The following FAM107B variants were observed in gnomAD, a reference collection of about 807,000 sequenced individuals.
FAM107B encodes protein FAM107B.
Under a neutral mutation model 31.5 loss-of-function variants are expected in FAM107B, and 21 were observed. The ratio of observed to expected loss-of-function variants is 0.67; its 90% CI spans 0.47 to 0.96. The LOEUF (loss-of-function observed/expected upper bound fraction) is 0.96, where lower values mean the gene tolerates loss of function less well. FAM107B is among the 40% of genes least tolerant of loss of function. The pLI is 0.00. For synonymous variants in FAM107B, 157 were observed against 141.5 expected, an observed-to-expected ratio of 1.11 and a Z score of -0.78; for missense variants, 452 against 377.1, an observed-to-expected ratio of 1.20 and a Z score of -1.64.
intron 2 of FAM107B, among the ~76,000 whole-genome samples, chr10:14,564,464 G>A (rs1295916385): frequency 1.3e-5 from 2 of 149,282 alleles, no homozygotes; most frequent in African/African-American, 5.0e-5. Context: ...AAGAATCAGA[G>A]ATGCAGATCT....
intron 1 of FAM107B, among the ~76,000 whole-genome samples, chr10:14,704,586 T>C (rs926330917): frequency 2.1e-4 from 32 of 152,186 alleles, no homozygotes; most frequent in African/African-American, 7.7e-4. Context: ...CATATTTAAC[T>C]GAATCTAAGG....
At chr10:14,548,396 T>G in intron 2 of FAM107B, 3 of 984,804 alleles carry the variant, frequency 3.0e-6, no homozygotes, top group Non-Finnish European at 3.6e-6. Flanking sequence ...CTTGTGCCCT[T>G]GTACACAGGT....
chr10:14,566,017 A>T (rs1474428193), intron 2 of FAM107B, among the ~76,000 whole-genome samples: 2 of 152,186 alleles, frequency 1.3e-5, no homozygotes, highest in African/African-American at 4.8e-5. Context: ...GGACCTTCAC[A>T]GCCCCCATGC....
At chr10:14,593,446 G>C (rs760300010) in intron 2 of FAM107B, among the ~76,000 whole-genome samples, 11 of 152,152 alleles carry the variant, frequency 7.2e-5, no homozygotes, top group Non-Finnish European at 1.6e-4. Context: ...GGGAGGCTGA[G>C]GTGGGCGGAT....
At chr10:14,592,151 C>G (rs1034373770) in intron 2 of FAM107B, among the ~76,000 whole-genome samples, 2 of 152,188 alleles carry the variant, frequency 1.3e-5, no homozygotes, top group Non-Finnish European at 2.9e-5. Context: ...ATTTCCCAAA[C>G]TGCATGCCCA....
intron 2 of FAM107B, among the ~76,000 whole-genome samples, chr10:14,564,302 C>G (rs1002671720): frequency 6.6e-6 from 1 of 152,080 alleles, no homozygotes; most frequent in Non-Finnish European, 1.5e-5. Context: ...TTGAGCAGAT[C>G]AGCGGCAGCT....
chr10:14,604,396 G>C (rs969824446), intron 2 of FAM107B: 7 of 259,930 alleles, frequency 2.7e-5, no homozygotes, highest in Middle Eastern at 3.8e-3. Context: ...GCGCAGGGCG[G>C]CTCTCGCTCC....
chr10:14,723,914 T>C lies in FAM107B; in HGVS notation c.411+50339A>G. The C allele has an allele frequency of 6.6e-6, 5 of 752,406 alleles. 1 individual carries two copies. The East Asian group carries it at 1.2e-4, about 18-fold the overall frequency. The allele number at this position is 752,406 out of a possible 1,614,324, so 46.6% of individuals were successfully genotyped here. ...TCCCAGGTCCTCTTCAGATTTATGATGTAGATGCCATCACTTTTCCTTTTA... is the reference window on the plus strand; with the variant it reads ...TCCCAGGTCCTCTTCAGATTTATGACGTAGATGCCATCACTTTTCCTTTTA... On this transcript the variant is annotated intron_variant, in intron 1 of 4. Transcript: ENST00000181796.
intron 1 of FAM107B, among the ~76,000 whole-genome samples, chr10:14,674,095 C>T (rs1446590148): frequency 6.6e-6 from 1 of 152,148 alleles, no homozygotes; most frequent in Non-Finnish European, 1.5e-5. Context: ...ATCCAAAAAT[C>T]AACTCAAAAT....
chr10:14,620,088 C>T lies in FAM107B; in HGVS notation c.469+47546G>A, dbSNP rs181023433. The stretch of plus-strand genomic sequence containing the variant: ...AGGCTGGAGTGCAGTGGCACAATCT[C>T]GGCTCACTGAAACCTCCGCTCCCAG... On this transcript the variant is annotated intron_variant, in intron 2 of 4. Coordinates refer to ENST00000181796, the MANE Select transcript of FAM107B (RefSeq NM_031453.4). Among the ~76,000 whole-genome samples, 9 of 145,456 alleles carry T rather than the reference C, an allele frequency of 6.2e-5. No homozygotes were observed. The South Asian group carries it at 8.7e-4, about 14-fold the overall frequency.
intron 1 of FAM107B, among the ~76,000 whole-genome samples, chr10:14,672,839 A>C (rs11259258): frequency 0.23 from 34,344 of 152,172 alleles, 4,029 homozygotes; most frequent in African/African-American, 0.3. Flanking sequence ...AACCAAATAC[A>C]TTCACCAATG....
intron 1 of FAM107B, among the ~76,000 whole-genome samples, chr10:14,702,549 C>T (rs955690167): frequency 2.0e-5 from 3 of 152,124 alleles, no homozygotes; most frequent in Non-Finnish European, 4.4e-5. Flanking sequence ...GGGGTTTCAC[C>T]ATGTTGGCCA....
intron 1 of FAM107B, among the ~76,000 whole-genome samples, chr10:14,685,283 G>A (rs370293073): frequency 6.6e-6 from 1 of 151,766 alleles, no homozygotes; most frequent in East Asian, 1.9e-4. Context: ...TGAGTAGCTA[G>A]GACTACAGGT....
chr10:14,735,880 A>T (rs1203599330), intron 1 of FAM107B, among the ~76,000 whole-genome samples: 1 of 152,198 alleles, frequency 6.6e-6, no homozygotes, highest in African/African-American at 2.4e-5. Context: ...TTTCCTAGTG[A>T]CATTACTATA....
At chr10:14,558,709 C>G (rs971572646) in intron 2 of FAM107B, among the ~76,000 whole-genome samples, 2 of 152,032 alleles carry the variant, frequency 1.3e-5, no homozygotes, top group African/African-American at 4.8e-5. Context: ...GGGAGTTGAG[C>G]AGGGGCCTTG....
intron 2 of FAM107B, among the ~76,000 whole-genome samples, chr10:14,644,201 T>C (rs983597984): frequency 3.3e-5 from 5 of 152,244 alleles, no homozygotes; most frequent in Non-Finnish European, 7.3e-5. Context: ...ACAATGATAA[T>C]GATGATGGCT....
intron 2 of FAM107B, among the ~76,000 whole-genome samples, chr10:14,537,623 A>G (rs1338275829): frequency 2.0e-5 from 3 of 152,132 alleles, no homozygotes; most frequent in African/African-American, 7.2e-5. Context: ...GCGGATCATG[A>G]GGTCCAGAGA....
chr10:14,705,080 G>A (rs1252114614), intron 1 of FAM107B, among the ~76,000 whole-genome samples: 6 of 141,254 alleles, frequency 4.2e-5, no homozygotes, highest in African/African-American at 1.1e-4. Context: ...CTCCAAAGAA[G>A]ATACACAAAT....
chr10:14,569,431 A>C lies in FAM107B; in HGVS notation c.470-38916T>G, dbSNP rs1228202876. Reference sequence around the variant, plus strand: ...TGTGTGTGTGCATGCATGCATGCACACATGTGTTACGTTAAGATCATAACA... The same window carrying C: ...TGTGTGTGTGCATGCATGCATGCACCCATGTGTTACGTTAAGATCATAACA... On this transcript the variant is annotated intron_variant, in intron 2 of 4. Coordinates refer to ENST00000181796, the MANE Select transcript of FAM107B (RefSeq NM_031453.4). 3.9e-5 allele frequency among the ~76,000 whole-genome samples: 6 copies of C among 152,030 alleles called. No individual in the cohort carries two copies. In the East Asian group the frequency reaches 1.2e-3, roughly 29 times the overall value.
Sources: gnomAD v4.1 joint callset for allele counts (sites outside exome capture counted in the v4.1 genomes callset) on GRCh38, gnomAD v4.1.1 for gene constraint, MANE v1.5 for transcripts, NCBI Gene and HGNC (gene_info 2026-07-23, HGNC 2026-07-21) for gene names.